The following APBB2 variants were observed in gnomAD, a reference collection of about 807,000 sequenced individuals.
APBB2 encodes the protein amyloid beta precursor protein binding family B member 2, also known as Fe65-like 1.
Under a neutral mutation model 82.5 loss-of-function variants are expected in APBB2, and 38 were observed. The observed-to-expected ratio is 0.46, with a 90% CI of 0.36 to 0.60. The LOEUF (loss-of-function observed/expected upper bound fraction) is 0.60. Among genes scored for constraint, APBB2 ranks in the 20% least tolerant of loss-of-function variants. The pLI is 0.00. For missense variants in APBB2, 772 were observed against 972.3 expected (o/e 0.79, Z 2.74); for synonymous variants, 341 against 368.2 (o/e 0.93, Z 0.85).
intron 10 of APBB2, among the ~76,000 whole-genome samples, chr4:40,915,772 TC>T (rs1455205432): frequency 6.6e-6 from 1 of 152,014 alleles, no homozygotes; most frequent in Non-Finnish European, 1.5e-5. Context: ...CACTGTGCTC[TC>T]GGGGGAGGAG....
At chr4:40,984,402 AT>A (rs1302056732) in intron 6 of APBB2, among the ~76,000 whole-genome samples, 1 of 152,058 alleles carries the variant, frequency 6.6e-6, no homozygotes, top group Non-Finnish European at 1.5e-5. Flanking sequence ...ACAGAAGTTG[AT>A]CATGGAAAAT....
chr4:41,012,268 C>A (rs1808589919), intron 6 of APBB2, among the ~76,000 whole-genome samples: 2 of 152,192 alleles, frequency 1.3e-5, no homozygotes, highest in South Asian at 4.1e-4. Flanking sequence ...AAACGCCAAA[C>A]ACAGGAAGTA....
At chr4:40,980,771 G>A (rs543537896) in intron 6 of APBB2, among the ~76,000 whole-genome samples, 1 of 152,186 alleles carries the variant, frequency 6.6e-6, no homozygotes, top group Non-Finnish European at 1.5e-5. Flanking sequence ...AAGGACCAAA[G>A]AAGGCAATAA....
chr4:41,091,555 C>T (rs1249218094), intron 3 of APBB2, among the ~76,000 whole-genome samples: 1 of 152,130 alleles, frequency 6.6e-6, no homozygotes, highest in African/African-American at 2.4e-5. Flanking sequence ...TTTCTTGCAT[C>T]CCTACTTCCT....
intron 1 of APBB2, among the ~76,000 whole-genome samples, chr4:41,190,798 C>T (rs1351278826): frequency 2.6e-5 from 4 of 152,024 alleles, no homozygotes; most frequent in African/African-American, 4.8e-5. Context: ...AAAGTGGTTG[C>T]GCCATACAAA....
chr4:40,992,927 C>T (rs1802553566), intron 6 of APBB2, among the ~76,000 whole-genome samples: 1 of 152,202 alleles, frequency 6.6e-6, no homozygotes, highest in African/African-American at 2.4e-5. Context: ...GTCTACTCTG[C>T]TGCTTATCTG....
chr4:41,170,578 A>G (rs1366877841), intron 1 of APBB2, among the ~76,000 whole-genome samples: 1 of 152,244 alleles, frequency 6.6e-6, no homozygotes, highest in East Asian at 1.9e-4. Flanking sequence ...AGTACTCTTC[A>G]GAAAAGTCAA....
intron 4 of APBB2, among the ~76,000 whole-genome samples, chr4:41,041,769 C>T (rs1339319119): frequency 1.3e-5 from 2 of 152,138 alleles, no homozygotes; most frequent in South Asian, 2.1e-4. Flanking sequence ...GTTCCAAGAA[C>T]ACTATCAAAC....
intron 12 of APBB2, among the ~76,000 whole-genome samples, chr4:40,888,895 G>A (rs1771153220): frequency 2.0e-5 from 3 of 152,254 alleles, no homozygotes; most frequent in Admixed American, 2.0e-4. Context: ...AACAAACTTG[G>A]AGGACAGAAA....
chr4:41,013,153 A>C (rs62412106), intron 6 of APBB2, among the ~76,000 whole-genome samples: 6,995 of 152,288 alleles, frequency 0.046, 341 homozygotes, highest in African/African-American at 0.13. Context: ...TAAATAAGTT[A>C]TTTTGAGGAC....
At chr4:41,145,689 G>A (rs938897088) in intron 1 of APBB2, among the ~76,000 whole-genome samples, 33 of 152,154 alleles carry the variant, frequency 2.2e-4, no homozygotes, top group Non-Finnish European at 7.3e-5. Context: ...CCTAGCACTG[G>A]CCCTGTTGAT....
chr4:41,060,975 C>A (rs1244811691), intron 4 of APBB2, among the ~76,000 whole-genome samples: 1 of 152,162 alleles, frequency 6.6e-6, no homozygotes, highest in African/African-American at 2.4e-5. Flanking sequence ...GAAAGGAAAC[C>A]TAAAGGACTC....
At chr4:41,029,018 C>T (rs1560564559) in intron 5 of APBB2, among the ~76,000 whole-genome samples, 1 of 152,160 alleles carries the variant, frequency 6.6e-6, no homozygotes, top group Non-Finnish European at 1.5e-5. Context: ...CCTTTACTCC[C>T]GCGACATGCT....
intron 12 of APBB2, among the ~76,000 whole-genome samples, chr4:40,882,236 G>C (rs1437832940): frequency 6.6e-6 from 1 of 152,198 alleles, no homozygotes; most frequent in Non-Finnish European, 1.5e-5. Context: ...TAAGAGGGGG[G>C]CTCTGACCTG....
At chr4:41,000,057 A>ATGTGTGTGTGTGTG in intron 6 of APBB2, among the ~76,000 whole-genome samples, 1 of 86,310 alleles carries the variant, frequency 1.2e-5, no homozygotes, top group East Asian at 5.2e-4. Flanking sequence ...GTATATGTAT[A>ATGTGTGTGTGTGTG]TATATGTGTG....
chr4:41,083,906 A>C (rs1220208478), intron 3 of APBB2, among the ~76,000 whole-genome samples: 1 of 152,170 alleles, frequency 6.6e-6, no homozygotes, highest in Non-Finnish European at 1.5e-5. Context: ...GGCCTTAAAA[A>C]ATAATAAAAA....
At chr4:40,965,166 G>A (rs1198227002) in intron 6 of APBB2, among the ~76,000 whole-genome samples, 1 of 150,882 alleles carries the variant, frequency 6.6e-6, no homozygotes, top group Non-Finnish European at 1.5e-5. Flanking sequence ...GTGGAAAAAC[G>A]TGGCAGCTAG....
Position 41,000,995 on chromosome 4 carries a change from C to G in APBB2, c.835+12588G>C, listed in dbSNP as rs192694486. 2.5e-3 allele frequency among the ~76,000 whole-genome samples: 386 copies of G among 152,328 alleles called. 1 individual carries two copies. Among genetic ancestry groups the G allele is most frequent in the African/African-American group, 7.2e-3 (301 of 41,572 alleles). On this transcript the variant is annotated intron_variant, in intron 6 of 17. Transcript: ENST00000508593. ...GGCTGTGGAATAGCTTCTTTGTCCACAGAGAGCAAGGGATGAATGGAAACA... is the reference window on the plus strand; with the variant it reads ...GGCTGTGGAATAGCTTCTTTGTCCAGAGAGAGCAAGGGATGAATGGAAACA...
At chr4:41,040,136 T>C (rs928467781) in intron 4 of APBB2, among the ~76,000 whole-genome samples, 2 of 152,060 alleles carry the variant, frequency 1.3e-5, no homozygotes, top group East Asian at 1.9e-4. Context: ...GAAATCATCA[T>C]TGTAACCTGC....
Sources: allele counts gnomAD v4.1 joint callset (sites outside exome capture counted in the v4.1 genomes callset), GRCh38; gene constraint gnomAD v4.1.1; transcripts MANE v1.5; gene names NCBI Gene and HGNC (gene_info 2026-07-23, HGNC 2026-07-21).